RTL5: variants seen among roughly 807,000 people sequenced by gnomAD.
The protein encoded by RTL5 is retrotransposon Gag like 5.
A neutral mutation model predicts 7.7 loss-of-function variants in RTL5; 8 were observed. That is an observed-to-expected ratio of 1.04 (90% CI 0.61 to 1.88). The LOEUF (loss-of-function observed/expected upper bound fraction) is 1.88. Ranked by LOEUF, RTL5 falls within the 40% of genes most tolerant of loss-of-function variation. RTL5 has a pLI of 0.00. For synonymous variants in RTL5, 188 were observed against 191.8 expected, an observed-to-expected ratio of 0.98 and a Z score of 0.16; for missense variants, 457 against 472.7, an observed-to-expected ratio of 0.97 and a Z score of 0.31.
In RTL5 at chrX:72,130,735, T is replaced by G. The variant is rs759763617; in HGVS notation, c.806A>C (p.Asp269Ala). ...GAGGAATTGGTTTTGGAGGCGGCAGTCATCCCAAGACAAGAATTGGGCCAG... is the reference window on the plus strand; with the variant it reads ...GAGGAATTGGTTTTGGAGGCGGCAGGCATCCCAAGACAAGAATTGGGCCAG... The change falls in exon 1 of 1, where the codon GAC (aspartate) becomes GCC (alanine). Residue 269 changes from aspartate to alanine, a missense_variant. Asp to Ala is a moderately radical substitution (Grantham distance 126, BLOSUM62 -2). Coordinates refer to ENST00000609883, the Ensembl canonical transcript of RTL5. The G allele has an allele frequency of 6.6e-6, 8 of 1,211,892 alleles. No homozygotes were observed. In the East Asian group the frequency reaches 2.1e-4, roughly 31 times the overall value.
chrX:72,130,677 G>A (rs377506838), exon 1 of RTL5: 1 of 1,211,951 alleles, frequency 8.3e-7, no homozygotes, highest in African/African-American at 1.7e-5. Context: ...TTGACCATAA[G>A]AGCTCTTTGC....
exon 1 of RTL5, chrX:72,131,515 T>C: frequency 4.2e-6 from 5 of 1,193,566 alleles, no homozygotes; most frequent in Non-Finnish European, 4.5e-6. Flanking sequence ...GCGGAGGCTG[T>C]TGAGATTTCC....
At chrX:72,127,757 C>T (rs1384350657) in exon 1 of RTL5, 1 of 112,914 alleles carries the variant, frequency 8.9e-6, no homozygotes, top group Non-Finnish European at 1.9e-5. Flanking sequence ...TACTCCTGCC[C>T]TGGTGGGGAT....
chrX:72,130,370 C>T, exon 1 of RTL5: 2 of 1,168,697 alleles, frequency 1.7e-6, no homozygotes, highest in Non-Finnish European at 2.3e-6. Flanking sequence ...TCCTTCTCTT[C>T]CTTCTTCTTC....
At chrX:72,131,667 G>A in exon 1 of RTL5, 1 of 615,501 alleles carries the variant, frequency 1.6e-6, no homozygotes, top group Non-Finnish European at 2.3e-6. Flanking sequence ...GCGGGGCACG[G>A]GCCAGGCCGG....
At chrX:72,127,666 G>A (rs2042240365), downstream of RTL5, 1 of 112,761 alleles carries the variant, frequency 8.9e-6, no homozygotes, top group South Asian at 3.6e-4. Flanking sequence ...AAGAATAGCA[G>A]GTCCCCTTCT....
exon 1 of RTL5, chrX:72,129,885 G>T: frequency 3.3e-6 from 4 of 1,208,851 alleles, no homozygotes; most frequent in Non-Finnish European, 4.5e-6. Flanking sequence ...TCGGAGTGAG[G>T]CGGAAAAGCA....
exon 1 of RTL5, chrX:72,130,619 C>G (rs2042281729): frequency 8.3e-7 from 1 of 1,210,072 alleles, no homozygotes; most frequent in African/African-American, 1.8e-5. Flanking sequence ...ACTTTTCTTT[C>G]TATCTCCACA....
chrX:72,131,402 G>T (rs755664602), exon 1 of RTL5: 3 of 1,211,196 alleles, frequency 2.5e-6, no homozygotes, highest in Non-Finnish European at 3.4e-6. Flanking sequence ...ACATTGCCCC[G>T]CAAGGAATTA....
At chrX:72,129,499 A>G in exon 1 of RTL5, 1 of 243,536 alleles carries the variant, frequency 4.1e-6, no homozygotes, top group Non-Finnish European at 7.4e-6. Flanking sequence ...AGGGTTAGGA[A>G]CAACCAGAGG....
Position 72,130,392 on chromosome X carries a change from C to G in RTL5, c.1149G>C (p.Lys383Asn), listed in dbSNP as rs1480124499. ...CTTCCTTCTTCTTCATTTCTTCCTC[C>G]TTCTTCATCTCCTCCTCCTCCTTCT... is the stretch of plus-strand genomic sequence containing the variant. Residue 383 changes from lysine to asparagine, a missense_variant, in exon 1 of 1, where the codon AAG becomes AAC. Lys to Asn is a moderately conservative substitution (Grantham distance 94). Coordinates refer to ENST00000609883, the Ensembl canonical transcript of RTL5. The G allele has an allele frequency of 4.2e-6, 5 of 1,178,850 alleles. 1 individual carries two copies. The Middle Eastern group carries it at 9.4e-4, about 222-fold the overall frequency.
exon 1 of RTL5, chrX:72,131,464 C>T (rs1004846103): frequency 8.3e-7 from 1 of 1,209,156 alleles, no homozygotes; most frequent in African/African-American, 1.7e-5. Context: ...ATTCTCCCCG[C>T]GAAGGGCATT....
At position 72,131,295 on chromosome X, in the gene RTL5, TC is replaced by T; in HGVS notation, c.245del (p.Gly82GlufsTer23). The T allele has an allele frequency of 2.5e-6, 3 of 1,197,859 alleles. No individual in the cohort carries two copies. The highest frequency in any genetic ancestry group is 1.8e-5 in the South Asian group (1 of 54,849). On this transcript the variant is annotated frameshift_variant, in exon 1 of 1. Transcript: ENST00000609883. LOFTEE classifies it low-confidence loss of function (END_TRUNC). ...GAGGCCGGCACAAGAAGGGCAGTTC[TC>T]CCCCGGGAATGACTTCGATCTCACT... is the stretch of plus-strand genomic sequence containing the variant.
chrX:72,129,680 A>G, exon 1 of RTL5: 2 of 557,408 alleles, frequency 3.6e-6, no homozygotes, highest in Non-Finnish European at 5.6e-6. Context: ...CGGTTGCAAG[A>G]TGGTCTGGAA....
At chrX:72,130,572 T>C in exon 1 of RTL5, 1 of 1,211,711 alleles carries the variant, frequency 8.3e-7, no homozygotes, top group Non-Finnish European at 1.1e-6. Flanking sequence ...AGATGATATT[T>C]CGAACTCCAG....
Position 72,130,898 on chromosome X carries a change from C to A in RTL5, c.643G>T (p.Ala215Ser), listed in dbSNP as rs766056132. Residue 215 changes from alanine (A) to serine (S), a missense_variant, in exon 1 of 1, where the codon GCC (alanine) becomes TCC (serine). Physicochemically the swap from Ala to Ser is moderately conservative, Grantham distance 99. Coordinates refer to ENST00000609883, the Ensembl canonical transcript of RTL5. ...TCATCCAGGAAGCGCGGGAAGTTGG[C>A]ATGCAAGGGGCTTCCTTCCTGGGTG... 4.1e-6 allele frequency: 5 copies of A among 1,210,145 alleles called. No homozygotes were observed. In the East Asian group the frequency reaches 1.2e-4, roughly 29 times the overall value.
exon 1 of RTL5, chrX:72,131,100 C>G: frequency 8.3e-7 from 1 of 1,206,823 alleles, no homozygotes; most frequent in Admixed American, 2.2e-5. Flanking sequence ...GCCGCTCCAG[C>G]GGTGCCAGAG....
chrX:72,131,553 A>G (rs1483369308), exon 1 of RTL5: 1 of 1,160,409 alleles, frequency 8.6e-7, no homozygotes, highest in African/African-American at 1.8e-5. Flanking sequence ...CGACAAGCCC[A>G]GGGGCCCTGG....
exon 1 of RTL5, chrX:72,129,007 T>C (rs2042255502): frequency 8.9e-6 from 1 of 112,947 alleles, no homozygotes. Flanking sequence ...AGGAAAGTTG[T>C]GGAGCCTGCA....
Sources: gnomAD v4.1 joint callset for allele counts on GRCh38, gnomAD v4.1.1 for gene constraint, MANE v1.5 for transcripts, NCBI Gene and HGNC (gene_info 2026-07-23, HGNC 2026-07-21) for gene names.